The following FRMD5 variants were observed in gnomAD, a reference collection of about 807,000 sequenced individuals.
FRMD5 encodes FERM domain containing 5.
In FRMD5, 20 loss-of-function variants were observed where a neutral mutation model predicts 69.0. The observed-to-expected ratio is 0.29, with a 90% CI of 0.20 to 0.42. The LOEUF is 0.42. FRMD5 is among the 10% of genes least tolerant of loss of function. The probability of loss-of-function intolerance (pLI) is 1.00; values close to 1 mark genes in which losing one functional copy is unlikely to be tolerated. For missense variants in FRMD5, 595 were observed against 708.6 expected, an observed-to-expected ratio of 0.84 and a Z score of 1.82; for synonymous variants, 271 against 260.1, an observed-to-expected ratio of 1.04 and a Z score of -0.40.
intron 1 of FRMD5, among the ~76,000 whole-genome samples, chr15:44,028,123 A>C (rs1891518934): frequency 6.6e-6 from 1 of 152,200 alleles, no homozygotes; most frequent in African/African-American, 2.4e-5. Flanking sequence ...AAGCAGAGAA[A>C]AATATAATCT....
chr15:43,934,562 T>G (rs2089727298), intron 1 of FRMD5, among the ~76,000 whole-genome samples: 1 of 151,918 alleles, frequency 6.6e-6, no homozygotes, highest in African/African-American at 2.4e-5. Flanking sequence ...ATGGAAAGAG[T>G]AACTAAACAG....
At chr15:44,134,269 C>T (rs2077149403) in intron 1 of FRMD5, among the ~76,000 whole-genome samples, 1 of 151,994 alleles carries the variant, frequency 6.6e-6, no homozygotes, top group African/African-American at 2.4e-5. Context: ...ATCACCACGT[C>T]CAGCTTTACA....
intron 1 of FRMD5, among the ~76,000 whole-genome samples, chr15:44,142,679 G>C (rs2077291314): frequency 6.6e-6 from 1 of 152,160 alleles, no homozygotes; most frequent in South Asian, 2.1e-4. Flanking sequence ...GAGGAATATG[G>C]GGAGAGTGAT....
At chr15:44,008,769 G>A (rs749384156) in intron 1 of FRMD5, among the ~76,000 whole-genome samples, 1 of 152,012 alleles carries the variant, frequency 6.6e-6, no homozygotes, top group Non-Finnish European at 1.5e-5. Flanking sequence ...GCTCACACCT[G>A]TAATCCCAGC....
intron 7 of FRMD5, among the ~76,000 whole-genome samples, chr15:43,894,867 C>T (rs917036047): frequency 1.3e-5 from 2 of 152,202 alleles, no homozygotes; most frequent in African/African-American, 4.8e-5. Flanking sequence ...CATGGTCAGA[C>T]TCCTTGTCTT....
chr15:44,022,868 T>C (rs373606399), intron 1 of FRMD5, among the ~76,000 whole-genome samples: 3 of 152,274 alleles, frequency 2.0e-5, no homozygotes, highest in South Asian at 4.1e-4. Context: ...GTTTTTCATA[T>C]AGTCAAGTAA....
intron 1 of FRMD5, among the ~76,000 whole-genome samples, chr15:44,066,405 T>C (rs1387707942): frequency 5.9e-5 from 9 of 152,068 alleles, no homozygotes; most frequent in Admixed American, 5.2e-4. Flanking sequence ...GATTCAAAGA[T>C]TGGAGAGCGC....
chr15:43,957,184 T>C (rs2090128217), intron 1 of FRMD5, among the ~76,000 whole-genome samples: 1 of 152,148 alleles, frequency 6.6e-6, no homozygotes, highest in African/African-American at 2.4e-5. Flanking sequence ...ATATTTGTGA[T>C]AATTTCTTTC....
intron 1 of FRMD5, among the ~76,000 whole-genome samples, chr15:44,071,661 T>C (rs1428811927): frequency 6.6e-6 from 1 of 152,194 alleles, no homozygotes; most frequent in African/African-American, 2.4e-5. Context: ...TTTTTGAACC[T>C]AAGTTCATGA....
At position 44,107,578 on chromosome 15, in the gene FRMD5, G is replaced by A. The variant is rs527541003; in HGVS notation, c.102+87375C>T. Among the ~76,000 whole-genome samples, 4 of 152,168 alleles carry A rather than the reference G, an allele frequency of 2.6e-5. No homozygotes were observed. In the South Asian group the frequency reaches 8.3e-4, roughly 32 times the overall value. ...TATCAGCCGAAAAATGCTGCTCAAA[G>A]GTTATATGATTAGAGGGGGGAAAGC... On this transcript the variant is annotated intron_variant, in intron 1 of 13. Coordinates refer to ENST00000417257, the MANE Select transcript of FRMD5 (RefSeq NM_032892.5).
chr15:44,003,376 G>C (rs972800044), intron 1 of FRMD5, among the ~76,000 whole-genome samples: 4 of 152,126 alleles, frequency 2.6e-5, no homozygotes, highest in African/African-American at 4.8e-5. Context: ...AAAAATGTAA[G>C]TCACTTTCAA....
chr15:43,883,669 AC>A, intron 13 of FRMD5, 33 bp downstream of exon 13: 1 of 1,452,046 alleles, frequency 6.9e-7, no homozygotes, highest in South Asian at 1.2e-5. Context: ...AACTTGGAGG[AC>A]CCCAGTGGTC....
At chr15:44,126,203 T>C (rs143586378) in intron 1 of FRMD5, among the ~76,000 whole-genome samples, 232 of 152,274 alleles carry the variant, frequency 1.5e-3, no homozygotes, top group Middle Eastern at 3.4e-3. Context: ...AATGACACAA[T>C]CCAGCTTGGT....
intron 1 of FRMD5, among the ~76,000 whole-genome samples, chr15:44,009,466 TC>T (rs1890614209): frequency 6.6e-6 from 1 of 152,162 alleles, no homozygotes; most frequent in South Asian, 2.1e-4. Flanking sequence ...GATTGCTTGA[TC>T]CCAGGAGTGT....
At chr15:44,176,922 C>A (rs1397136357) in intron 1 of FRMD5, among the ~76,000 whole-genome samples, 1 of 139,240 alleles carries the variant, frequency 7.2e-6, no homozygotes, top group African/African-American at 2.7e-5. Flanking sequence ...TACCCTAAAA[C>A]TTAAAGTATA....
intron 1 of FRMD5, among the ~76,000 whole-genome samples, chr15:44,177,527 A>C (rs1230447150): frequency 1.3e-5 from 2 of 152,206 alleles, no homozygotes; most frequent in Non-Finnish European, 2.9e-5. Flanking sequence ...GATGAAAAGT[A>C]GGTGTTTGCC....
intron 12 of FRMD5, 31 bp from the exon 13 acceptor site, chr15:43,883,840 T>G: frequency 6.6e-7 from 1 of 1,522,120 alleles, no homozygotes; most frequent in Non-Finnish European, 9.1e-7. Flanking sequence ...CCTTGTTAAT[T>G]CAGTGCATGG....
chr15:44,105,949 T>C (rs1010590608), intron 1 of FRMD5, among the ~76,000 whole-genome samples: 2 of 152,216 alleles, frequency 1.3e-5, no homozygotes, highest in Non-Finnish European at 1.5e-5. Flanking sequence ...AGTATTTGCA[T>C]ATAAGCTAGC....
At chr15:44,053,413 C>T (rs1486685051) in intron 1 of FRMD5, among the ~76,000 whole-genome samples, 1 of 151,988 alleles carries the variant, frequency 6.6e-6, no homozygotes, top group African/African-American at 2.4e-5. Context: ...GTTCTGGTTG[C>T]TGTGTGGAGA....
Sources: gnomAD v4.1 joint callset for allele counts (sites outside exome capture counted in the v4.1 genomes callset) on GRCh38, gnomAD v4.1.1 for gene constraint, MANE v1.5 for transcripts, NCBI Gene and HGNC (gene_info 2026-07-23, HGNC 2026-07-21) for gene names.